DUOXA2: variants seen among roughly 807,000 people sequenced by gnomAD.
The protein encoded by DUOXA2 is dual oxidase maturation factor 2.
Under a neutral mutation model 27.6 loss-of-function variants are expected in DUOXA2, and 22 were observed. The observed-to-expected ratio is 0.80, with a 90% CI of 0.57 to 1.14. DUOXA2 has a LOEUF of 1.14. Among genes scored for constraint, DUOXA2 ranks in the 50% most tolerant of loss-of-function variants. The pLI is 0.00. For missense variants in DUOXA2, 481 were observed against 419.9 expected, an observed-to-expected ratio of 1.15 and a Z score of -1.27; for synonymous variants, 188 against 184.4, an observed-to-expected ratio of 1.02 and a Z score of -0.16.
At chr15:45,115,705 A>G (rs1164260698) in intron 1 of DUOXA2, 94 bp from the exon 2 acceptor site, 1 of 1,433,042 alleles carries the variant, frequency 7.0e-7, no homozygotes, top group Non-Finnish European at 9.8e-7. Flanking sequence ...AAGTCTGGAT[A>G]TAACTAAAGA....
At chr15:45,115,095 C>A (rs926263656) in intron 1 of DUOXA2, among the ~76,000 whole-genome samples, 2 of 152,160 alleles carry the variant, frequency 1.3e-5, no homozygotes, top group African/African-American at 4.8e-5. Flanking sequence ...TCATCCCATC[C>A]GGTGGGTGAT....
intron 4 of DUOXA2, 122 bp from the exon 5 acceptor site, chr15:45,116,969 C>A: frequency 7.9e-7 from 1 of 1,260,212 alleles, no homozygotes; most frequent in Admixed American, 2.0e-5. Context: ...AATTCCCCTG[C>A]ACCGCTGCCA....
intron 1 of DUOXA2, 92 bp downstream of exon 1, chr15:45,114,844 A>G: frequency 6.3e-7 from 1 of 1,582,390 alleles, no homozygotes; most frequent in South Asian, 1.1e-5. Context: ...ACTGTACAAG[A>G]GCCTCCATGA....
Position 45,116,547 on chromosome 15 carries a change from T to A in DUOXA2, c.372T>A (p.Ile124=), listed in dbSNP as rs1894643429. 6.2e-7 allele frequency: 1 copy of A among 1,613,864 alleles called. No homozygotes were observed. The highest frequency in any genetic ancestry group is 1.7e-5 in the Admixed American group (1 of 60,006). The part of the protein sequence containing the change: ...GTPVHQLNET[I]DYNEQFTWRL... ...CAGTGCATCAGCTGAACGAGACCAT[T>A]GACTACAACGAGCAGTTCACCTGGC... The change falls in exon 4 of 6, where the codon ATT becomes ATA. Residue 124 remains isoleucine, a synonymous_variant. Transcript: ENST00000323030.
Position 45,117,145 on chromosome 15 carries a change from G to A in DUOXA2, c.609G>A (p.Pro203=). 2 of 1,602,514 alleles carry A rather than the reference G, an allele frequency of 1.2e-6. No individual in the cohort carries two copies. Among genetic ancestry groups the A allele is most frequent in the Non-Finnish European group, 1.7e-6 (2 of 1,179,872 alleles). The change falls in exon 5 of 6, where the codon CCG becomes CCA. Residue 203 remains proline (P), a synonymous_variant. Transcript: ENST00000323030. ...ACGTGCTGCTCTCCACGCCGGCCCCGCTCTACGGAGGCCTGGCACTGCTGA... is the reference window on the plus strand; with the variant it reads ...ACGTGCTGCTCTCCACGCCGGCCCCACTCTACGGAGGCCTGGCACTGCTGA... ...LSNVLLSTPA[P]LYGGLALLTT... is the part of the protein sequence containing the mutation.
At chr15:45,115,897 G>C (rs1894607665) in intron 2 of DUOXA2, 41 bp downstream of exon 2, 2 of 1,613,854 alleles carry the variant, frequency 1.2e-6, no homozygotes, top group Non-Finnish European at 1.7e-6. Flanking sequence ...GACGGGGTGA[G>C]GAAGGAGGTG....
intron 3 of DUOXA2, 47 bp from the exon 4 acceptor site, chr15:45,116,469 G>A: frequency 6.2e-7 from 1 of 1,606,364 alleles, no homozygotes. Context: ...GCTTAGTTGC[G>A]AGGTCTCCGA....
chr15:45,114,823 G>T, intron 1 of DUOXA2, 71 bp downstream of exon 1: 12 of 1,608,340 alleles, frequency 7.5e-6, no homozygotes, highest in African/African-American at 1.3e-5. Flanking sequence ...GAGGGACCCA[G>T]GACAGGTAAG....
Position 45,114,705 on chromosome 15 carries a change from C to G in DUOXA2, c.100C>G (p.Leu34Val), listed in dbSNP as rs1371612087. 6.2e-7 allele frequency: 1 copy of G among 1,614,236 alleles called. No homozygotes were observed. Among genetic ancestry groups the G allele is most frequent in the East Asian group, 2.2e-5 (1 of 44,886 alleles). Residue 34 changes from leucine (L) to valine (V), a missense_variant, in exon 1 of 6, where the codon CTA becomes GTA. Leu to Val is a conservative substitution (Grantham distance 32). Coordinates refer to ENST00000323030, the MANE Select transcript of DUOXA2 (RefSeq NM_207581.4). Reference sequence around the variant, plus strand: ...CATCGTTATTCTAGTGTTTTTGGCTCTAGCAGCAAGCTTCCTGCTCATCTT... The same window carrying G: ...CATCGTTATTCTAGTGTTTTTGGCTGTAGCAGCAAGCTTCCTGCTCATCTT... ...LLIVILVFLA[L>V]AASFLLILPG...
Position 45,116,202 on chromosome 15 carries a change from T to C in DUOXA2, c.284T>C (p.Val95Ala), listed in dbSNP as rs1268222137. 4 of 1,613,900 alleles carry C rather than the reference T, an allele frequency of 2.5e-6. No individual in the cohort carries two copies. The South Asian group carries it at 4.4e-5, about 18-fold the overall frequency. The change falls in exon 3 of 6, where the codon GTT (valine) becomes GCT (alanine). Residue 95 changes from valine to alanine, a missense_variant. By Grantham distance (64) the Val-to-Ala change is moderately conservative. Transcript: ENST00000323030. ...TACAAAGCCTTCAGCGCAGCGCGCG[T>C]TACAGCCCGTGTCCGTCTGCTCGTG... ...TSYKAFSAAR[V>A]TARVRLLVGL...
Position 45,114,615 on chromosome 15 carries a change from T to A in DUOXA2, c.10T>A (p.Trp4Arg), listed in dbSNP as rs762454763. 18 of 1,613,988 alleles carry A rather than the reference T, an allele frequency of 1.1e-5. 1 individual carries two copies. In the South Asian group the frequency reaches 1.9e-4, roughly 17 times the overall value. The change falls in exon 1 of 6, where the codon TGG (tryptophan) becomes AGG (arginine). Residue 4 changes from tryptophan (W) to arginine (R), a missense_variant. Physicochemically the swap from Trp to Arg is moderately radical, Grantham distance 101 (BLOSUM62 -3). Coordinates refer to ENST00000323030, the MANE Select transcript of DUOXA2 (RefSeq NM_207581.4). The part of the protein sequence containing the change: MTL[W>R]NGVLPFYPQP... The stretch of plus-strand genomic sequence containing the variant: ...TCGGCCGGCGTGCAGCATGACCCTG[T>A]GGAACGGCGTACTGCCTTTTTACCC...
At position 45,114,490 on chromosome 15, in the gene DUOXA2, C is replaced by G; in HGVS notation, c.-116C>G. On this transcript the variant is annotated 5_prime_UTR_variant, in exon 1 of 6. Transcript: ENST00000323030. ...GCAGGACTCAGACTTCACCAGCCCA[C>G]TCGGTCCCAGCCTTGTACGCAAAGA... is the stretch of plus-strand genomic sequence containing the variant. 2.7e-6 allele frequency: 4 copies of G among 1,455,744 alleles called. No homozygotes were observed. The highest frequency in any genetic ancestry group is 2.8e-6 in the Non-Finnish European group (3 of 1,070,108). The allele number at this position is 1,455,744 out of a possible 1,614,324, so 90.2% of individuals were successfully genotyped here. A position where few individuals can be genotyped will look rare whatever the true frequency, so the allele number is the denominator to read the frequency against.
chr15:45,115,884 G>C, intron 2 of DUOXA2, 28 bp downstream of exon 2: 1 of 1,614,062 alleles, frequency 6.2e-7, no homozygotes, highest in Non-Finnish European at 8.5e-7. Flanking sequence ...CCCATGGGGA[G>C]AGGACGGGGT....
At chr15:45,115,714 G>C in intron 1 of DUOXA2, 85 bp from the exon 2 acceptor site, 1 of 1,500,122 alleles carries the variant, frequency 6.7e-7, no homozygotes, top group Non-Finnish European at 9.3e-7. Flanking sequence ...TATAACTAAA[G>C]ATCCAGGTGA....
chr15:45,115,993 T>G, intron 2 of DUOXA2, 131 bp from the exon 3 acceptor site: 1 of 1,587,786 alleles, frequency 6.3e-7, no homozygotes, highest in Non-Finnish European at 8.6e-7. Flanking sequence ...GGGCCCACTT[T>G]TTGGCCCTTA....
At position 45,118,156 on chromosome 15, in the gene DUOXA2, C is replaced by A; in HGVS notation, c.*247C>A. The A allele has an allele frequency of 2.1e-6, 3 of 1,438,122 alleles. No individual in the cohort carries two copies. The highest frequency in any genetic ancestry group is 2.7e-6 in the Non-Finnish European group (3 of 1,101,400). 89.1% of individuals were successfully genotyped at this position (1,438,122 alleles called of 1,614,324 possible). A position where few individuals can be genotyped will look rare whatever the true frequency, so the allele number is the denominator to read the frequency against. ...GCTTCTCCGCGCCGGGGTCGCACGT[C>A]CTCATGAGCTTCGCTGGGCTGGAGA... On this transcript the variant is annotated 3_prime_UTR_variant, in exon 6 of 6. Coordinates refer to ENST00000323030, the MANE Select transcript of DUOXA2 (RefSeq NM_207581.4).
At chr15:45,117,330 G>A (rs754248194) in intron 5 of DUOXA2, 25 bp downstream of exon 5, 8 of 1,559,262 alleles carry the variant, frequency 5.1e-6, no homozygotes, top group South Asian at 4.8e-5. Context: ...AATGGGCCCC[G>A]GGGGCTAAGG....
chr15:45,116,551 TACA>T lies in DUOXA2; in HGVS notation c.379_381del (p.Asn127del). The T allele has an allele frequency of 6.2e-7, 1 of 1,613,980 alleles. No individual in the cohort carries two copies. The highest frequency in any genetic ancestry group is 8.5e-7 in the Non-Finnish European group (1 of 1,180,034). On this transcript the variant is annotated inframe_deletion, in exon 4 of 6. Transcript: ENST00000323030. ...GCATCAGCTGAACGAGACCATTGAC[TACA>T]ACGAGCAGTTCACCTGGCGTCTGAA...
chr15:45,115,875 C>T lies in DUOXA2; in HGVS notation c.205+19C>T. 3 of 1,613,912 alleles carry T rather than the reference C, an allele frequency of 1.9e-6. No homozygotes were observed. Among genetic ancestry groups the T allele is most frequent in the Non-Finnish European group, 1.7e-6 (2 of 1,179,974 alleles). On this transcript the variant is annotated intron_variant, in intron 2 of 5. Transcript: ENST00000323030. ...ATTGTGGGTGAGTGTGTGGTGCAGCCCATGGGGAGAGGACGGGGTGAGGAA... is the reference window on the plus strand; with the variant it reads ...ATTGTGGGTGAGTGTGTGGTGCAGCTCATGGGGAGAGGACGGGGTGAGGAA...
Sources: allele counts gnomAD v4.1 joint callset (sites outside exome capture counted in the v4.1 genomes callset), GRCh38; gene constraint gnomAD v4.1.1; transcripts MANE v1.5; gene names NCBI Gene and HGNC (gene_info 2026-07-23, HGNC 2026-07-21).